Variants in PGAP4 observed in about 807,000 individuals in gnomAD.
The protein encoded by PGAP4 is GPI-N-acetylgalactosamine transferase PGAP4.
Under a neutral mutation model 28.2 loss-of-function variants are expected in PGAP4, and 12 were observed. That is an observed-to-expected ratio of 0.42 (90% CI 0.27 to 0.69). The LOEUF (loss-of-function observed/expected upper bound fraction) is 0.69, where lower values mean the gene tolerates loss of function less well. Among genes scored for constraint, PGAP4 ranks in the 30% least tolerant of loss-of-function variants. The pLI is 0.22. For synonymous variants in PGAP4, 205 were observed against 211.8 expected, an observed-to-expected ratio of 0.97 and a Z score of 0.28; for missense variants, 425 against 513.5, an observed-to-expected ratio of 0.83 and a Z score of 1.67.
intron 2 of PGAP4, among the ~76,000 whole-genome samples, chr9:101,514,416 A>T (rs148697294): frequency 9.8e-5 from 15 of 152,326 alleles, no homozygotes; most frequent in African/African-American, 3.4e-4. Flanking sequence ...GTGGAAAAAT[A>T]ACAATATAGT....
intron 2 of PGAP4, among the ~76,000 whole-genome samples, chr9:101,515,471 A>G (rs1008466062): frequency 2.6e-5 from 4 of 152,216 alleles, no homozygotes; most frequent in Non-Finnish European, 5.9e-5. Flanking sequence ...CCAGAATTTT[A>G]TATCCAGCAA....
chr9:101,494,225 T>A (rs1564097320), intron 2 of PGAP4, among the ~76,000 whole-genome samples: 1 of 151,942 alleles, frequency 6.6e-6, no homozygotes, highest in Non-Finnish European at 1.5e-5. Context: ...CTTGTTAATA[T>A]AACCAAAGTT....
At chr9:101,509,713 AGCATTTCTCTATGGATGACATGGT>A (rs1564100376) in intron 2 of PGAP4, among the ~76,000 whole-genome samples, 1 of 152,118 alleles carries the variant, frequency 6.6e-6, no homozygotes, top group East Asian at 1.9e-4. Context: ...TCAGCTTGCA[AGCATTTCTCTATGGATGACATGGT>A]GCATTTCTCT....
chr9:101,485,501 A>T (rs1826593042), intron 1 of PGAP4, among the ~76,000 whole-genome samples: 1 of 152,226 alleles, frequency 6.6e-6, no homozygotes, highest in Non-Finnish European at 1.5e-5. Flanking sequence ...TGTAATACAC[A>T]TAAAGTGTTT....
At chr9:101,523,200 G>C (rs978794034) in intron 2 of PGAP4, among the ~76,000 whole-genome samples, 1 of 151,758 alleles carries the variant, frequency 6.6e-6, no homozygotes, top group African/African-American at 2.4e-5. Context: ...GATGACTTGC[G>C]ATGAATTTCC....
At chr9:101,484,198 G>A (rs1352178079) in intron 1 of PGAP4, among the ~76,000 whole-genome samples, 1 of 151,802 alleles carries the variant, frequency 6.6e-6, no homozygotes, top group Non-Finnish European at 1.5e-5. Context: ...AAGAGAAAGA[G>A]GGGCAGAGGA....
intron 2 of PGAP4, among the ~76,000 whole-genome samples, chr9:101,497,624 C>T (rs56205348): frequency 0.17 from 25,446 of 151,094 alleles, 2,248 homozygotes; most frequent in East Asian, 0.23. Flanking sequence ...ACCAGTAAAC[C>T]CAGGCGAAAA....
chr9:101,482,377 C>T (rs774827499), intron 1 of PGAP4, among the ~76,000 whole-genome samples: 1 of 152,122 alleles, frequency 6.6e-6, no homozygotes, highest in African/African-American at 2.4e-5. Flanking sequence ...ACCAGGTAGT[C>T]GGAGGTTGCA....
rs1446609849 is a variant in PGAP4, at chr9:101,475,847, A to C, written c.*34T>G. The C allele has an allele frequency of 1.3e-6, 2 of 1,579,896 alleles. No homozygotes were observed. The highest frequency in any genetic ancestry group is 2.2e-5 in the East Asian group (1 of 44,696). On this transcript the variant is annotated 3_prime_UTR_variant, in exon 2 of 2. Transcript: ENST00000374848. The stretch of plus-strand genomic sequence containing the variant: ...GAGATAAATATTTGAATCTTCAAGA[A>C]GTGGCCAACTTCAGAAAGGCATCTC...
intron 2 of PGAP4, among the ~76,000 whole-genome samples, chr9:101,511,384 T>G (rs1277715668): frequency 6.6e-6 from 1 of 152,138 alleles, no homozygotes; most frequent in Non-Finnish European, 1.5e-5. Flanking sequence ...AAGCAGGGGT[T>G]GGGGATCCCT....
At chr9:101,529,300 C>G (rs547468546) in intron 2 of PGAP4, among the ~76,000 whole-genome samples, 1 of 151,872 alleles carries the variant, frequency 6.6e-6, no homozygotes, top group Non-Finnish European at 1.5e-5. Context: ...GAATTACAGG[C>G]GACCACCACC....
intron 2 of PGAP4, among the ~76,000 whole-genome samples, chr9:101,517,682 G>A (rs147382375): frequency 1.0e-3 from 155 of 152,248 alleles, no homozygotes; most frequent in African/African-American, 3.5e-3. Context: ...TACAGTTAGT[G>A]TAAGTTACTA....
intron 2 of PGAP4, among the ~76,000 whole-genome samples, chr9:101,497,685 T>A (rs1224024610): frequency 6.6e-6 from 1 of 151,704 alleles, no homozygotes; most frequent in African/African-American, 2.4e-5. Context: ...ATCAATAATT[T>A]AAAAACCAGC....
At chr9:101,519,502 T>G (rs1826969068) in intron 2 of PGAP4, among the ~76,000 whole-genome samples, 1 of 152,134 alleles carries the variant, frequency 6.6e-6, no homozygotes, top group Admixed American at 6.5e-5. Context: ...TCGTTGTAGA[T>G]TCTGGATATC....
chr9:101,506,536 A>C (rs1826850303), intron 2 of PGAP4, among the ~76,000 whole-genome samples: 1 of 152,084 alleles, frequency 6.6e-6, no homozygotes, highest in African/African-American at 2.4e-5. Flanking sequence ...CCTCTAACAG[A>C]GACTTGACTC....
At chr9:101,514,980 A>G (rs1296984216) in intron 2 of PGAP4, among the ~76,000 whole-genome samples, 1 of 152,160 alleles carries the variant, frequency 6.6e-6, no homozygotes, top group Non-Finnish European at 1.5e-5. Context: ...TTGGATGTAC[A>G]TATATGTGAT....
chr9:101,511,120 G>A (rs879826271), intron 2 of PGAP4, among the ~76,000 whole-genome samples: 4 of 152,148 alleles, frequency 2.6e-5, no homozygotes, highest in African/African-American at 4.8e-5. Context: ...TCCCTCACAT[G>A]TGCAGTTCAC....
chr9:101,509,089 G>GA (rs1826874296), intron 2 of PGAP4, among the ~76,000 whole-genome samples: 1 of 152,190 alleles, frequency 6.6e-6, no homozygotes, highest in East Asian at 1.9e-4. Flanking sequence ...CGTGGACAAA[G>GA]TCAATTCACC....
intron 2 of PGAP4, among the ~76,000 whole-genome samples, chr9:101,514,446 A>C (rs1166010480): frequency 6.6e-6 from 1 of 152,156 alleles, no homozygotes; most frequent in Non-Finnish European, 1.5e-5. Flanking sequence ...AGAAAATCAA[A>C]ATTTTATAAG....
Sources: gnomAD v4.1 joint callset for allele counts (sites outside exome capture counted in the v4.1 genomes callset) on GRCh38, gnomAD v4.1.1 for gene constraint, MANE v1.5 for transcripts, NCBI Gene and HGNC (gene_info 2026-07-23, HGNC 2026-07-21) for gene names.